Variants in TRAFD1 observed in about 807,000 individuals in gnomAD.
The protein encoded by TRAFD1 is TRAF-type zinc finger domain containing 1, also known as TRAF-type zinc finger domain-containing protein 1.
In TRAFD1, 38 loss-of-function variants were observed where a neutral mutation model predicts 65.3. The observed-to-expected ratio is 0.58, with a 90% CI of 0.45 to 0.76. TRAFD1 has a LOEUF of 0.76. TRAFD1 is among the 30% of genes least tolerant of loss of function. The probability of loss-of-function intolerance (pLI) is 0.00; values close to 1 mark genes in which losing one functional copy is unlikely to be tolerated. For missense variants in TRAFD1, 631 were observed against 712.6 expected (o/e 0.89, Z 1.30); for synonymous variants, 223 against 257.2 (o/e 0.87, Z 1.27).
Position 112,151,878 on chromosome 12 carries a change from C to G in TRAFD1, c.1357C>G (p.Arg453Gly). The change falls in exon 10 of 12, where the codon CGA (arginine) becomes GGA (glycine). Residue 453 changes from arginine to glycine, a missense_variant. Coordinates refer to ENST00000412615, the MANE Select transcript of TRAFD1 (RefSeq NM_006700.3). ...GCCCACCTCCTGTCTGCCTCCCAGCCGACCCATTAACAATATGACAGCTAC... is the reference window on the plus strand; with the variant it reads ...GCCCACCTCCTGTCTGCCTCCCAGCGGACCCATTAACAATATGACAGCTAC... ...NGPTSCLPPSRPINNMTATYN... is the reference protein window; with the variant it reads ...NGPTSCLPPSGPINNMTATYN... 6.2e-7 allele frequency: 1 copy of G among 1,614,152 alleles called. No homozygotes were observed. Among genetic ancestry groups the G allele is most frequent in the Non-Finnish European group, 8.5e-7 (1 of 1,180,040 alleles).
rs757316768 is a variant in TRAFD1, at chr12:112,151,966, G to C, written c.1445G>C (p.Cys482Ser). 1.9e-6 allele frequency: 3 copies of C among 1,614,244 alleles called. No homozygotes were observed. Among genetic ancestry groups the C allele is most frequent in the Non-Finnish European group, 2.5e-6 (3 of 1,180,050 alleles). The change falls in exon 10 of 12, where the codon TGT becomes TCT. Residue 482 changes from cysteine to serine, a missense_variant. Cys to Ser is a moderately radical substitution (Grantham distance 112). Transcript: ENST00000412615. Reference protein sequence around the residue: ...PRPGCQPSSPCVPKLSNSDSQ... With the variant: ...PRPGCQPSSPSVPKLSNSDSQ... ...CCTGGGTGCCAGCCCAGCTCTCCTT[G>C]TGTGCCGAAGCTCAGCAACTCAGAC... is the stretch of plus-strand genomic sequence containing the variant.
At chr12:112,140,368 C>T (rs1287132907) in intron 4 of TRAFD1, among the ~76,000 whole-genome samples, 1 of 141,282 alleles carries the variant, frequency 7.1e-6, no homozygotes, top group Non-Finnish European at 1.5e-5. Context: ...CGCAATGAGC[C>T]AAGATTGCGC....
intron 3 of TRAFD1, 56 bp downstream of exon 3, chr12:112,134,929 A>C: frequency 6.2e-7 from 1 of 1,612,236 alleles, no homozygotes; most frequent in South Asian, 1.1e-5. Context: ...TGTTGTTCGT[A>C]AATGTATTCT....
At position 112,148,216 on chromosome 12, in the gene TRAFD1, G is replaced by A. The variant is rs2030308734; in HGVS notation, c.1070G>A (p.Ser357Asn). The A allele has an allele frequency of 6.2e-7, 1 of 1,614,150 alleles. No individual in the cohort carries two copies. Among genetic ancestry groups the A allele is most frequent in the Middle Eastern group, 1.6e-4 (1 of 6,062 alleles). The change falls in exon 8 of 12, where the codon AGC becomes AAC. Residue 357 changes from serine (S) to asparagine (N), a missense_variant. Coordinates refer to ENST00000412615, the MANE Select transcript of TRAFD1 (RefSeq NM_006700.3). The stretch of plus-strand genomic sequence containing the variant: ...CAGTTAGACTCTTTGATGGGCCTGA[G>A]CAATTCACACCCTGTGGAGGAGAGC... ...SNQLDSLMGL[S>N]NSHPVEESII...
rs1296621118 is a variant in TRAFD1 at position 112,130,221 on chromosome 12, C to G, written c.-12-290C>G. ...TCCTGGGCTCAAGTGATCCGCCTGC[C>G]TCGGCCTCCCAAAGTACTGAGATTA... On this transcript the variant is annotated intron_variant, in intron 1 of 11. Coordinates refer to ENST00000412615, the MANE Select transcript of TRAFD1 (RefSeq NM_006700.3). The surrounding 1 kb of genome is among the most constrained non-coding windows in gnomAD (Gnocchi z 4.4). 1.3e-5 allele frequency among the ~76,000 whole-genome samples: 2 copies of G among 152,034 alleles called. No homozygotes were observed. Among genetic ancestry groups the G allele is most frequent in the African/African-American group, 2.4e-5 (1 of 41,392 alleles).
At chr12:112,129,836 G>T (rs2079558550) in intron 1 of TRAFD1, among the ~76,000 whole-genome samples, 1 of 151,932 alleles carries the variant, frequency 6.6e-6, no homozygotes. Context: ...AGAGATGGGG[G>T]TTTCACCATG....
intron 2 of TRAFD1, among the ~76,000 whole-genome samples, chr12:112,134,359 G>A (rs1430329372): frequency 1.4e-5 from 2 of 147,396 alleles, no homozygotes. Context: ...GGGTTCAAGC[G>A]ATTCTCCTGC....
At chr12:112,140,023 A>G (rs2030038790) in intron 4 of TRAFD1, 1 of 193,830 alleles carries the variant, frequency 5.2e-6, no homozygotes, top group Non-Finnish European at 1.1e-5. Context: ...AAAAATAATA[A>G]TAATAAATGA....
At chr12:112,132,734 T>G (rs549333896) in intron 2 of TRAFD1, among the ~76,000 whole-genome samples, 19 of 152,236 alleles carry the variant, frequency 1.2e-4, no homozygotes, top group Non-Finnish European at 1.8e-4. Context: ...AGAATGACTA[T>G]AGCTGGAGGC....
At position 112,152,384 on chromosome 12, in the gene TRAFD1, T is replaced by C; in HGVS notation, c.1620-43T>C. Reference sequence around the variant, plus strand: ...TCCCTCTGAGTTTGTTGACCTTTGCTCAGGGACACTTCAGGAGCTAGTTTC... The same window carrying C: ...TCCCTCTGAGTTTGTTGACCTTTGCCCAGGGACACTTCAGGAGCTAGTTTC... On this transcript the variant is annotated intron_variant, in intron 10 of 11. Transcript: ENST00000412615. The surrounding 1 kb of genome is among the most constrained non-coding windows in gnomAD (Gnocchi z 5.0). 6.2e-7 allele frequency: 1 copy of C among 1,606,350 alleles called. No individual in the cohort carries two copies. Among genetic ancestry groups the C allele is most frequent in the Non-Finnish European group, 8.5e-7 (1 of 1,178,968 alleles).
Position 112,152,246 on chromosome 12 carries a change from T to G in TRAFD1, c.1619+106T>G. The G allele has an allele frequency of 7.1e-7, 1 of 1,416,956 alleles. No homozygotes were observed. Among genetic ancestry groups the G allele is most frequent in the Non-Finnish European group, 9.6e-7 (1 of 1,042,344 alleles). 87.8% of individuals were successfully genotyped at this position (1,416,956 alleles called of 1,614,324 possible). On this transcript the variant is annotated intron_variant, in intron 10 of 11. Coordinates refer to ENST00000412615, the MANE Select transcript of TRAFD1 (RefSeq NM_006700.3). This position sits in a 1 kb window ranked among gnomAD's most constrained non-coding sequence, Gnocchi z 5.0. ...CTGGGGTAAGACTGAGGTACTTGCA[T>G]GGTAAGGGGAGGAGTATGGATTTTC...
In TRAFD1 at chr12:112,149,706, G is replaced by T. The variant is rs760632836; in HGVS notation, c.1159-45G>T. The T allele has an allele frequency of 3.7e-6, 6 of 1,611,012 alleles. No homozygotes were observed. The Admixed American group carries it at 1.0e-4, about 27-fold the overall frequency. ...CCTCCCATCGCATGCTCTTTTCTGGGAATGACTCAATTCAGAGGTACTAAT... is the reference window on the plus strand; with the variant it reads ...CCTCCCATCGCATGCTCTTTTCTGGTAATGACTCAATTCAGAGGTACTAAT... On this transcript the variant is annotated intron_variant, in intron 8 of 11. Transcript: ENST00000412615.
In TRAFD1 at chr12:112,148,430, C is replaced by G. The variant is rs961415511; in HGVS notation, c.1158+126C>G. 2.3e-5 allele frequency: 18 copies of G among 772,774 alleles called. No individual in the cohort carries two copies. The African/African-American group carries it at 3.1e-4, about 13-fold the overall frequency. 47.9% of individuals were successfully genotyped at this position (772,774 alleles called of 1,614,324 possible). The stretch of plus-strand genomic sequence containing the variant: ...GACAAGGAATGCACACACTTGGCTT[C>G]TGGCCAAGTCATCTTTGTGAGCTGT... On this transcript the variant is annotated intron_variant, in intron 8 of 11. Coordinates refer to ENST00000412615, the MANE Select transcript of TRAFD1 (RefSeq NM_006700.3).
chr12:112,135,045 G>C lies in TRAFD1; in HGVS notation c.216G>C (p.Lys72Asn). The C allele has an allele frequency of 6.2e-7, 1 of 1,614,238 alleles. No homozygotes were observed. The highest frequency in any genetic ancestry group is 8.5e-7 in the Non-Finnish European group (1 of 1,180,036). ...VTCKCNKKLE[K>N]RLLKKHEETE... Reference sequence around the variant, plus strand: ...GCAAATGTAACAAGAAGTTGGAGAAGAGGCTGTTAAAGAAGCATGAGGTTA... The same window carrying C: ...GCAAATGTAACAAGAAGTTGGAGAACAGGCTGTTAAAGAAGCATGAGGTTA... The change falls in exon 4 of 12, where the codon AAG (lysine) becomes AAC (asparagine). Residue 72 changes from lysine (K) to asparagine (N), a missense_variant. Coordinates refer to ENST00000412615, the MANE Select transcript of TRAFD1 (RefSeq NM_006700.3).
At chr12:112,142,924 T>G (rs1325732823) in intron 6 of TRAFD1, among the ~76,000 whole-genome samples, 1 of 152,080 alleles carries the variant, frequency 6.6e-6, no homozygotes. Context: ...GAACATTTTT[T>G]TTTTTTTTTG....
At chr12:112,146,990 T>TG (rs1215981511) in intron 7 of TRAFD1, among the ~76,000 whole-genome samples, 2 of 114,830 alleles carry the variant, frequency 1.7e-5, no homozygotes, top group Non-Finnish European at 3.4e-5. Flanking sequence ...AACTTCTGTT[T>TG]TTTTTTTTTT....
At chr12:112,132,736 G>A (rs2079572392) in intron 2 of TRAFD1, among the ~76,000 whole-genome samples, 1 of 152,198 alleles carries the variant, frequency 6.6e-6, no homozygotes, top group Non-Finnish European at 1.5e-5. Flanking sequence ...AATGACTATA[G>A]CTGGAGGCAC....
In TRAFD1 at chr12:112,141,067, C is replaced by T; in HGVS notation, c.486C>T (p.Ile162=). The T allele has an allele frequency of 6.2e-7, 1 of 1,614,150 alleles. No homozygotes were observed. The highest frequency in any genetic ancestry group is 8.5e-7 in the Non-Finnish European group (1 of 1,180,010). ...ATGAATCTTGGGGTCAGGATGGAAT[C>T]TGGATTGCATCCCAACTCCTCAGAC... The part of the protein sequence containing the change: ...AYDESWGQDG[I]WIASQLLRQI... Residue 162 remains isoleucine (I), a synonymous_variant, in exon 5 of 12, where the codon ATC becomes ATT. Coordinates refer to ENST00000412615, the MANE Select transcript of TRAFD1 (RefSeq NM_006700.3).
At chr12:112,146,769 G>A (rs1225408804) in intron 7 of TRAFD1, among the ~76,000 whole-genome samples, 1 of 152,108 alleles carries the variant, frequency 6.6e-6, no homozygotes, top group African/African-American at 2.4e-5. Flanking sequence ...CTTATAGTTT[G>A]TCACTTTATG....
Sources: allele counts gnomAD v4.1 joint callset (sites outside exome capture counted in the v4.1 genomes callset), GRCh38; gene constraint gnomAD v4.1.1; non-coding constraint Gnocchi (gnomAD v3.1); transcripts MANE v1.5; gene names NCBI Gene and HGNC (gene_info 2026-07-23, HGNC 2026-07-21).